The following RNF175 variants were observed in gnomAD, a reference collection of about 807,000 sequenced individuals.
RNF175 encodes the protein ring finger protein 175.
A neutral mutation model predicts 50.0 loss-of-function variants in RNF175; 38 were observed. The observed-to-expected ratio is 0.76, with a 90% CI of 0.59 to 1.00. The LOEUF is 1.00. Among genes scored for constraint, RNF175 ranks in the 50% least tolerant of loss-of-function variants. The pLI is 0.00. For missense variants in RNF175, 388 were observed against 409.6 expected (o/e 0.95, Z 0.46); for synonymous variants, 155 against 146.1 (o/e 1.06, Z -0.44).
At chr4:153,717,530 CACAA>C (rs1373468997) in intron 6 of RNF175, among the ~76,000 whole-genome samples, 1 of 47,632 alleles carries the variant, frequency 2.1e-5, no homozygotes, top group East Asian at 3.9e-4. Context: ...CAGATACACA[CACAA>C]ACACACACAC....
chr4:153,749,831 T>G (rs764156393), intron 2 of RNF175, among the ~76,000 whole-genome samples: 13 of 152,338 alleles, frequency 8.5e-5, no homozygotes, highest in Non-Finnish European at 1.6e-4. Flanking sequence ...TAATCCCCTG[T>G]ACTTCAACAT....
At chr4:153,718,238 G>GTTTTTTTTT (rs1430601897) in intron 6 of RNF175, among the ~76,000 whole-genome samples, 1 of 82,126 alleles carries the variant, frequency 1.2e-5, no homozygotes, top group South Asian at 4.1e-4. Context: ...TTGTTTGTTT[G>GTTTTTTTTT]TTTTTTTTTT....
chr4:153,748,646 T>C lies in RNF175; in HGVS notation c.245A>G (p.Asn82Ser), dbSNP rs748340150. 1.9e-6 allele frequency: 3 copies of C among 1,587,104 alleles called. No individual in the cohort carries two copies. The highest frequency in any genetic ancestry group is 3.5e-5 in the Admixed American group (2 of 56,362). The change falls in exon 3 of 9, where the codon AAT becomes AGT. Residue 82 changes from asparagine to serine, a missense_variant and splice_region_variant. Physicochemically the swap from Asn to Ser is conservative, Grantham distance 46 (BLOSUM62 1). Coordinates refer to ENST00000347063, the MANE Select transcript of RNF175 (RefSeq NM_173662.4). ...CCAGCAGCCACGGGGATGACTCACA[T>C]TGTAGGATCGGCCATGCCTCTGTCT... ...QWRQRHGRSY[N>S]LVTLLQMWVV...
intron 4 of RNF175, among the ~76,000 whole-genome samples, 167 bp downstream of exon 4, chr4:153,728,040 C>T (rs914103627): frequency 6.6e-6 from 1 of 152,146 alleles, no homozygotes; most frequent in African/African-American, 2.4e-5. Flanking sequence ...TGAAGGCAAA[C>T]TAAGACCAGT....
At chr4:153,729,904 C>G in intron 3 of RNF175, 1 of 196,506 alleles carries the variant, frequency 5.1e-6, no homozygotes, top group Non-Finnish European at 8.3e-6. Flanking sequence ...ATCCACTAAT[C>G]TTGCCTCCAT....
Position 153,733,756 on chromosome 4 carries a change from G to A in RNF175, c.247-5395C>T, listed in dbSNP as rs145892202. On this transcript the variant is annotated intron_variant, in intron 3 of 8. Coordinates refer to ENST00000347063, the MANE Select transcript of RNF175 (RefSeq NM_173662.4). The stretch of plus-strand genomic sequence containing the variant: ...TAAAAATGTTCCTATTTTGAAGTCC[G>A]GTTTTTGTGCTGTACAGCTCTATGA... 3.0e-3 allele frequency among the ~76,000 whole-genome samples: 452 copies of A among 152,180 alleles called. 2 individuals are homozygous for A. The highest frequency in any genetic ancestry group is 0.01 in the African/African-American group (427 of 41,528).
At chr4:153,727,864 G>T (rs761246287) in intron 4 of RNF175, 3 of 159,534 alleles carry the variant, frequency 1.9e-5, no homozygotes, top group Non-Finnish European at 4.1e-5. Flanking sequence ...TTTAAAATGT[G>T]TGACACAACT....
intron 4 of RNF175, among the ~76,000 whole-genome samples, chr4:153,726,073 ATGTGTGTGTG>A (rs10592509): frequency 3.4e-5 from 5 of 148,936 alleles, no homozygotes; most frequent in Non-Finnish European, 6.0e-5. Context: ...TAGTGTGTGT[ATGTGTGTGTG>A]TGTGTGTGTG....
chr4:153,750,976 T>C (rs1694661130), intron 2 of RNF175, among the ~76,000 whole-genome samples: 1 of 152,250 alleles, frequency 6.6e-6, no homozygotes, highest in South Asian at 2.1e-4. Context: ...GAAAAGTATA[T>C]ATTGGTGTAC....
chr4:153,735,213 CTG>C (rs1739290738), intron 3 of RNF175, among the ~76,000 whole-genome samples: 2 of 148,516 alleles, frequency 1.3e-5, no homozygotes, highest in South Asian at 4.2e-4. Flanking sequence ...ATTGTATGTT[CTG>C]TGTCTGTGTC....
At chr4:153,732,049 T>C (rs776863084) in intron 3 of RNF175, among the ~76,000 whole-genome samples, 17 of 152,026 alleles carry the variant, frequency 1.1e-4, no homozygotes, top group African/African-American at 1.7e-4. Flanking sequence ...CTGGGCAACA[T>C]GGTGAAACCC....
intron 4 of RNF175, among the ~76,000 whole-genome samples, chr4:153,723,974 C>A (rs2127111760): frequency 6.6e-6 from 1 of 152,270 alleles, no homozygotes; most frequent in East Asian, 1.9e-4. Flanking sequence ...CAGCCCTCAT[C>A]CCATGTCCCC....
At chr4:153,756,702 C>T (rs992151739) in intron 1 of RNF175, among the ~76,000 whole-genome samples, 1 of 152,224 alleles carries the variant, frequency 6.6e-6, no homozygotes, top group African/African-American at 2.4e-5. Flanking sequence ...AACAAGGTGT[C>T]TGTTCTCATG....
At chr4:153,737,456 T>A (rs947449623) in intron 3 of RNF175, among the ~76,000 whole-genome samples, 3 of 152,162 alleles carry the variant, frequency 2.0e-5, no homozygotes, top group Non-Finnish European at 2.9e-5. Context: ...ATGGTATAAA[T>A]TTTCCTCTAA....
Position 153,710,379 on chromosome 4 carries a change from C to T in RNF175, c.977G>A (p.Gly326Glu), listed in dbSNP as rs1737481206. Reference sequence around the variant, plus strand: ...CTGGGGTCTGCTGTCCTATTCCAGCCCTAGTGAATAGATAATGCCTTGAAC... The same window carrying T: ...CTGGGGTCTGCTGTCCTATTCCAGCTCTAGTGAATAGATAATGCCTTGAAC... ...GIVQGIIYSL[G>E]LE Residue 326 changes from glycine (G) to glutamate (E), a missense_variant, in exon 9 of 9, where the codon GGG (glycine) becomes GAG (glutamate). By Grantham distance (98) the Gly-to-Glu change is moderately conservative (BLOSUM62 -2). Coordinates refer to ENST00000347063, the MANE Select transcript of RNF175 (RefSeq NM_173662.4). 3 of 1,554,900 alleles carry T rather than the reference C, an allele frequency of 1.9e-6. No individual in the cohort carries two copies. The highest frequency in any genetic ancestry group is 2.6e-6 in the Non-Finnish European group (3 of 1,147,748).
chr4:153,747,476 T>C (rs1367523466), intron 3 of RNF175, among the ~76,000 whole-genome samples: 1 of 152,218 alleles, frequency 6.6e-6, no homozygotes, highest in Non-Finnish European at 1.5e-5. Context: ...GCCAAGTTCT[T>C]TGTGACTTTA....
chr4:153,718,624 T>C (rs1738136769), intron 6 of RNF175, among the ~76,000 whole-genome samples: 1 of 152,200 alleles, frequency 6.6e-6, no homozygotes, highest in South Asian at 2.1e-4. Flanking sequence ...ATAATTCTAA[T>C]CTTCCTTTTC....
chr4:153,728,127 C>T, intron 4 of RNF175, 80 bp downstream of exon 4: 1 of 1,114,494 alleles, frequency 9.0e-7, no homozygotes, highest in East Asian at 2.7e-5. Context: ...ACTCCCCAAC[C>T]CAGGAAAATG....
At chr4:153,754,169 C>CA (rs200643804) in intron 1 of RNF175, among the ~76,000 whole-genome samples, 45,170 of 79,428 alleles carry the variant, frequency 0.57, 9,239 homozygotes, top group Non-Finnish European at 0.63. Flanking sequence ...GACTCCGTCT[C>CA]AAAAAAAAAA....
Sources: allele counts gnomAD v4.1 joint callset (sites outside exome capture counted in the v4.1 genomes callset), GRCh38; gene constraint gnomAD v4.1.1; transcripts MANE v1.5; gene names NCBI Gene and HGNC (gene_info 2026-07-23, HGNC 2026-07-21).